C13orf46: variants seen among roughly 807,000 people sequenced by gnomAD.
The protein encoded by C13orf46 is chromosome 13 open reading frame 46.
chr13:113,972,649 G>A (rs759578557), intron 1 of C13orf46, among the ~76,000 whole-genome samples: 32 of 152,302 alleles, frequency 2.1e-4, no homozygotes, highest in Admixed American at 5.9e-4. Context: ...TCAGAGTGGC[G>A]AGTGTGGACC....
downstream of C13orf46, among the ~76,000 whole-genome samples, chr13:113,953,020 C>G (rs1429075019): frequency 1.3e-5 from 2 of 152,242 alleles, no homozygotes; most frequent in Non-Finnish European, 2.9e-5. Flanking sequence ...CCAGCCTCGT[C>G]CCCTCCACTA....
At chr13:113,967,555 G>A (rs2052662154) in intron 4 of C13orf46, among the ~76,000 whole-genome samples, 167 bp from the exon 5 acceptor site, 1 of 152,158 alleles carries the variant, frequency 6.6e-6, no homozygotes, top group East Asian at 1.9e-4. Flanking sequence ...GAGGGCTCCT[G>A]GGACGCTGGG....
At chr13:113,932,354 C>T in the C13orf46 span, among the ~76,000 whole-genome samples, 44 of 152,336 alleles carry the variant, frequency 2.9e-4, no homozygotes, top group African/African-American at 9.4e-4. Context: ...ACATGCTGCG[C>T]GCTCCAGTTG....
the C13orf46 span, among the ~76,000 whole-genome samples, chr13:113,942,943 A>G: frequency 1.3e-5 from 2 of 152,342 alleles, no homozygotes; most frequent in South Asian, 2.1e-4. Flanking sequence ...CGAGCACTGC[A>G]GATGGCCGGC....
the C13orf46 span, among the ~76,000 whole-genome samples, chr13:113,933,944 G>C: frequency 6.6e-6 from 1 of 152,160 alleles, no homozygotes; most frequent in South Asian, 2.1e-4. Flanking sequence ...GTTTTATTCT[G>C]GGTACGACTC....
At chr13:113,963,515 C>G (rs1207968477) in intron 6 of C13orf46, among the ~76,000 whole-genome samples, 1 of 137,774 alleles carries the variant, frequency 7.3e-6, no homozygotes, top group Non-Finnish European at 1.6e-5. Flanking sequence ...TCCTCAGCCT[C>G]GCCCCTGTCC....
In C13orf46 at chr13:113,957,288, G is replaced by T. The variant is rs1310407204; in HGVS notation, c.573-449C>A. ...ACCTCCTTTCATCAAGCACACTGGG[G>T]GGTCTCCCCTGCACTCTGCACCCCC... On this transcript the variant is annotated intron_variant, in intron 6 of 6. Transcript: ENST00000636427. Among the ~76,000 whole-genome samples, 6 of 138,674 alleles carry T rather than the reference G, an allele frequency of 4.3e-5. No individual in the cohort carries two copies. The Admixed American group carries it at 4.4e-4, about 10-fold the overall frequency. The allele number at this position is 138,674 out of a possible 152,430, so 91.0% of individuals were successfully genotyped here. A position where few individuals can be genotyped will look rare whatever the true frequency, so the allele number is the denominator to read the frequency against.
chr13:113,950,738 A>T (rs1006163319), downstream of C13orf46, among the ~76,000 whole-genome samples: 5 of 152,176 alleles, frequency 3.3e-5, no homozygotes, highest in Non-Finnish European at 7.4e-5. Context: ...TTTCTCCCAC[A>T]GCTGGGTCTG....
chr13:113,962,914 T>C (rs2052598515), intron 6 of C13orf46, among the ~76,000 whole-genome samples: 1 of 152,148 alleles, frequency 6.6e-6, no homozygotes, highest in African/African-American at 2.4e-5. Flanking sequence ...TGAAAGCTGG[T>C]GTGACCTGGT....
chr13:113,950,863 CA>C (rs2052485976), downstream of C13orf46, among the ~76,000 whole-genome samples: 1 of 152,220 alleles, frequency 6.6e-6, no homozygotes, highest in African/African-American at 2.4e-5. Context: ...CCTTCAGAAC[CA>C]GAGCCAGAGA....
intron 2 of C13orf46, among the ~76,000 whole-genome samples, chr13:113,969,238 G>A (rs2052679367): frequency 6.6e-6 from 1 of 152,266 alleles, no homozygotes; most frequent in South Asian, 2.1e-4. Flanking sequence ...AGGGGCAAGA[G>A]GAATGCAACA....
the C13orf46 span, among the ~76,000 whole-genome samples, chr13:113,931,033 C>G: frequency 1.3e-5 from 2 of 152,122 alleles, no homozygotes; most frequent in Admixed American, 6.5e-5. Flanking sequence ...GAGGGAGGGA[C>G]CCGGGGTTCT....
chr13:113,927,198 C>T, the C13orf46 span: 14 of 228,134 alleles, frequency 6.1e-5, no homozygotes, highest in Middle Eastern at 1.4e-3. Flanking sequence ...TCTTCACCAA[C>T]GGGGACAGCA....
chr13:113,932,433 G>C, the C13orf46 span, among the ~76,000 whole-genome samples: 3 of 152,200 alleles, frequency 2.0e-5, no homozygotes, highest in African/African-American at 7.2e-5. Context: ...GGGTTTGTAG[G>C]CACCTCTCAT....
chr13:113,971,436 CA>C (rs2052704081), intron 1 of C13orf46, among the ~76,000 whole-genome samples: 1 of 152,226 alleles, frequency 6.6e-6, no homozygotes, highest in East Asian at 1.9e-4. Flanking sequence ...GAGTGGGGCC[CA>C]GAGGTGGAGC....
At chr13:113,932,352 C>G in the C13orf46 span, among the ~76,000 whole-genome samples, 3 of 152,230 alleles carry the variant, frequency 2.0e-5, no homozygotes, top group Admixed American at 6.5e-5. Flanking sequence ...CAACATGCTG[C>G]GCGCTCCAGT....
At chr13:113,936,867 T>A in the C13orf46 span, among the ~76,000 whole-genome samples, 2 of 151,652 alleles carry the variant, frequency 1.3e-5, no homozygotes, top group Non-Finnish European at 2.9e-5. Context: ...AAGGCCAGTC[T>A]TAGGTTCCAC....
the C13orf46 span, among the ~76,000 whole-genome samples, chr13:113,938,933 G>A: frequency 6.6e-6 from 1 of 152,044 alleles, no homozygotes; most frequent in East Asian, 1.9e-4. Flanking sequence ...AGGCCCTGCT[G>A]TGCACACCAC....
the C13orf46 span, among the ~76,000 whole-genome samples, chr13:113,933,893 A>T: frequency 2.0e-5 from 3 of 152,180 alleles, no homozygotes; most frequent in African/African-American, 7.2e-5. Context: ...AAGTCACTGG[A>T]TGACGGAGCT....
Sources: gnomAD v4.1 joint callset for allele counts (sites outside exome capture counted in the v4.1 genomes callset) on GRCh38, gnomAD v4.1.1 for gene constraint, MANE v1.5 for transcripts, NCBI Gene and HGNC (gene_info 2026-07-23, HGNC 2026-07-21) for gene names.